The following MEIS3 variants were observed in gnomAD, a reference collection of about 807,000 sequenced individuals.
MEIS3 encodes the protein Meis homeobox 3.
Under a neutral mutation model 51.4 loss-of-function variants are expected in MEIS3, and 38 were observed. The ratio of observed to expected loss-of-function variants is 0.74; its 90% CI spans 0.57 to 0.97. The LOEUF is 0.97. MEIS3 is among the 50% of genes least tolerant of loss of function. MEIS3 has a pLI of 0.00. For missense variants in MEIS3, 456 were observed against 502.6 expected, an observed-to-expected ratio of 0.91 and a Z score of 0.89; for synonymous variants, 198 against 201.8, an observed-to-expected ratio of 0.98 and a Z score of 0.16.
At chr19:47,406,225 T>C in intron 12 of MEIS3, 1 of 443,592 alleles carries the variant, frequency 2.3e-6, no homozygotes, top group Non-Finnish European at 4.0e-6. Context: ...TGGATAAAGA[T>C]ATGGATGGGT....
intron 12 of MEIS3, among the ~76,000 whole-genome samples, chr19:47,404,244 C>T (rs1411698253): frequency 6.6e-6 from 1 of 151,988 alleles, no homozygotes; most frequent in Non-Finnish European, 1.5e-5. Flanking sequence ...GAAGACCCCT[C>T]CATCACTACT....
At chr19:47,420,398 G>GC (rs1971658732), upstream of MEIS3, among the ~76,000 whole-genome samples, 8 of 151,560 alleles carry the variant, frequency 5.3e-5, no homozygotes, top group South Asian at 1.3e-3. Flanking sequence ...AGCAAGTGCG[G>GC]CCTCATCTGA....
chr19:47,407,311 C>G, intron 9 of MEIS3, 41 bp downstream of exon 9: 2 of 1,593,768 alleles, frequency 1.3e-6, no homozygotes, highest in South Asian at 1.1e-5. Context: ...CGCCCGGGCT[C>G]TCGCCCCGGG....
At chr19:47,411,531 CTTTT>C (rs1203547897) in intron 6 of MEIS3, among the ~76,000 whole-genome samples, 11 of 142,406 alleles carry the variant, frequency 7.7e-5, no homozygotes, top group African/African-American at 2.6e-4. Context: ...GCTGTATTAT[CTTTT>C]TCTTTTCTTT....
At chr19:47,410,606 A>G (rs1971085557) in intron 6 of MEIS3, among the ~76,000 whole-genome samples, 1 of 151,446 alleles carries the variant, frequency 6.6e-6, no homozygotes, top group South Asian at 2.1e-4. Context: ...CTCTACTAAA[A>G]ATACAAAAAA....
intron 1 of MEIS3, 140 bp downstream of exon 1, chr19:47,418,930 G>A (rs1599832642): frequency 4.1e-6 from 2 of 484,244 alleles, no homozygotes; most frequent in East Asian, 3.5e-5. Context: ...GGAGACCCAG[G>A]GGCGGAGGGA....
In MEIS3 at chr19:47,406,532, A is replaced by G; in HGVS notation, c.1079-6T>C. Reference sequence around the variant, plus strand: ...CAAACTCATCCCCACTGATCCTGGAAGACAAAAAAAAAGGAGGGTAAGTGC... The same window carrying G: ...CAAACTCATCCCCACTGATCCTGGAGGACAAAAAAAAAGGAGGGTAAGTGC... On this transcript the variant is annotated splice_polypyrimidine_tract_variant and splice_region_variant and intron_variant, in intron 11 of 12. Transcript: ENST00000558555. 1 of 1,613,968 alleles carries G rather than the reference A, an allele frequency of 6.2e-7. No individual in the cohort carries two copies. Among genetic ancestry groups the G allele is most frequent in the Admixed American group, 1.7e-5 (1 of 59,992 alleles).
Position 47,409,125 on chromosome 19 carries a change from G to A in MEIS3, c.832C>T (p.Arg278Ter), listed in dbSNP as rs778163193. Residue 278 changes from arginine (R) to a stop codon, truncating the protein, a stop_gained, in exon 8 of 13, where the codon CGA (arginine) becomes TGA (stop). Coordinates refer to ENST00000558555, the MANE Select transcript of MEIS3 (RefSeq NM_001301059.2). LOFTEE classifies it high-confidence loss of function. ...IFPKVATNIM[R>*]AWLFQHLSHP... ...GAGAGGTGCTGGAACAACCAGGCTCGCATGATGTTGGTGGCCACCTTGGGG... is the reference window on the plus strand; with the variant it reads ...GAGAGGTGCTGGAACAACCAGGCTCACATGATGTTGGTGGCCACCTTGGGG... 19 of 1,611,056 alleles carry A rather than the reference G, an allele frequency of 1.2e-5. No homozygotes were observed. Among genetic ancestry groups the A allele is most frequent in the Admixed American group, 1.7e-5 (1 of 59,958 alleles).
chr19:47,407,711 T>G, intron 8 of MEIS3: 16 of 498,662 alleles, frequency 3.2e-5, no homozygotes, highest in South Asian at 9.5e-5. Context: ...TCCTGTGGCG[T>G]GGGGGAGGGG....
chr19:47,414,174 CGT>C (rs1971276230), intron 6 of MEIS3, among the ~76,000 whole-genome samples: 4 of 152,048 alleles, frequency 2.6e-5, no homozygotes, highest in African/African-American at 9.7e-5. Flanking sequence ...GCCAGGGTCA[CGT>C]GTGTGCAAGA....
rs1023877933 is a variant in MEIS3, at chr19:47,407,398, G to A, written c.889C>T (p.Gln297Ter). The A allele has an allele frequency of 4.4e-5, 71 of 1,613,660 alleles. No individual in the cohort carries two copies. The highest frequency in any genetic ancestry group is 5.8e-5 in the Non-Finnish European group (69 of 1,179,912). Residue 297 changes from glutamine (Q) to a stop codon, truncating the protein, a stop_gained, in exon 9 of 13, where the codon CAG (glutamine) becomes TAG (stop). Transcript: ENST00000558555. LOFTEE classifies it high-confidence loss of function. ...HPYPSEEQKK[Q>*]LAQDTGLTIL... ...GTGAGCCCCGTGTCCTGCGCCAGCT[G>A]TTTCTTCTGCTCCTCCGAGGGGTAC...
intron 4 of MEIS3, chr19:47,416,277 G>C: frequency 5.4e-6 from 1 of 186,908 alleles, no homozygotes. Context: ...GACACTTTTT[G>C]AGCCCTATTC....
Position 47,417,914 on chromosome 19 carries a change from TCCCC to T in MEIS3, c.13-568_13-565del, listed in dbSNP as rs71962567. 12 of 500,136 alleles carry T rather than the reference TCCCC, an allele frequency of 2.4e-5. No individual in the cohort carries two copies. The African/African-American group carries it at 2.6e-4, about 11-fold the overall frequency. The allele number at this position is 500,136 out of a possible 1,614,324, so 31.0% of individuals were successfully genotyped here. A position where few individuals can be genotyped will look rare whatever the true frequency, so the allele number is the denominator to read the frequency against. On this transcript the variant is annotated intron_variant, in intron 1 of 12. Coordinates refer to ENST00000558555, the MANE Select transcript of MEIS3 (RefSeq NM_001301059.2). ...CACTCATGTGTCAGTCACACCCAAA[TCCCC>T]CCCCCCACACACACATGCACACACA...
rs141406778 is a variant in MEIS3 at position 47,417,252 on chromosome 19, C to T, written c.111G>A (p.Pro37=). ...TVPAVPGPYG[P]HRPPQPLPPG... Reference sequence around the variant, plus strand: ...GGGGCAGGGGCTGGGGAGGCCGGTGCGGGCCATAGGGCCCTGGTACTGCGG... The same window carrying T: ...GGGGCAGGGGCTGGGGAGGCCGGTGTGGGCCATAGGGCCCTGGTACTGCGG... Residue 37 remains proline (P), a synonymous_variant, in exon 2 of 13, where the codon CCG becomes CCA. Transcript: ENST00000558555. 110 of 1,607,520 alleles carry T rather than the reference C, an allele frequency of 6.8e-5. No homozygotes were observed. In the African/African-American group the frequency reaches 1.2e-3, roughly 17 times the overall value.
intron 1 of MEIS3, chr19:47,417,678 GAC>G (rs1345175379): frequency 4.3e-6 from 3 of 702,630 alleles, no homozygotes; most frequent in South Asian, 3.0e-5. Context: ...CAGAGAGAGA[GAC>G]AGACAGAGAG....
chr19:47,420,654 C>T (rs1405429391), upstream of MEIS3, among the ~76,000 whole-genome samples: 1 of 150,288 alleles, frequency 6.7e-6, no homozygotes, highest in Non-Finnish European at 1.5e-5. Flanking sequence ...TCGTCCCTGC[C>T]ACCCCCAAAA....
Position 47,409,426 on chromosome 19 carries a change from A to G in MEIS3, c.709+10T>C. The G allele has an allele frequency of 5.6e-6, 9 of 1,609,986 alleles. No homozygotes were observed. Among genetic ancestry groups the G allele is most frequent in the Non-Finnish European group, 7.7e-6 (9 of 1,176,434 alleles). On this transcript the variant is annotated intron_variant, in intron 7 of 12. Transcript: ENST00000558555. ...TCCCATGTTTCCCTTCCACCTCCCA[A>G]GATTCTCACCTTGGTCACTGGAGTT...
chr19:47,406,239 T>G, intron 12 of MEIS3: 1 of 465,340 alleles, frequency 2.1e-6, no homozygotes, highest in Non-Finnish European at 3.8e-6. Context: ...GATGGGTGAG[T>G]GAGTGGGTAG....
chr19:47,416,554 G>T, intron 4 of MEIS3, 98 bp downstream of exon 4: 1 of 937,102 alleles, frequency 1.1e-6, no homozygotes, highest in Non-Finnish European at 1.6e-6. Context: ...TGGACCAGGT[G>T]GCCTTCTCTC....
Sources: gnomAD v4.1 joint callset for allele counts (sites outside exome capture counted in the v4.1 genomes callset) on GRCh38, gnomAD v4.1.1 for gene constraint, MANE v1.5 for transcripts, NCBI Gene and HGNC (gene_info 2026-07-23, HGNC 2026-07-21) for gene names.